Variants in GAB2 observed in about 807,000 individuals in gnomAD.
The protein encoded by GAB2 is GRB2-associated-binding protein 2.
In GAB2, 26 loss-of-function variants were observed where a neutral mutation model predicts 65.5. The observed-to-expected ratio is 0.40, with a 90% CI of 0.29 to 0.55. GAB2 has a LOEUF of 0.55. Ranked by LOEUF, GAB2 falls within the 20% of genes least tolerant of loss-of-function variation. The pLI is 0.53. For synonymous variants in GAB2, 321 were observed against 329.6 expected (o/e 0.97, Z 0.28); for missense variants, 884 against 875.8 (o/e 1.01, Z -0.12).
At chr11:78,256,892 C>A (rs1320094160) in intron 2 of GAB2, among the ~76,000 whole-genome samples, 1 of 152,152 alleles carries the variant, frequency 6.6e-6, no homozygotes, top group Admixed American at 6.5e-5. Flanking sequence ...TTCCTAATGA[C>A]CCAAAACACA....
At chr11:78,272,871 G>C (rs1236267843) in intron 2 of GAB2, among the ~76,000 whole-genome samples, 1 of 152,224 alleles carries the variant, frequency 6.6e-6, no homozygotes, top group African/African-American at 2.4e-5. Flanking sequence ...GCAGCCTGGG[G>C]ACTTGGTGCC....
At chr11:78,245,552 A>C (rs1435148848) in intron 3 of GAB2, among the ~76,000 whole-genome samples, 3 of 152,238 alleles carry the variant, frequency 2.0e-5, no homozygotes, top group Non-Finnish European at 4.4e-5. Flanking sequence ...AAAATTTCTC[A>C]CCAGGCCACT....
intron 3 of GAB2, among the ~76,000 whole-genome samples, chr11:78,244,126 C>T (rs1590960852): frequency 6.6e-6 from 1 of 152,066 alleles, no homozygotes; most frequent in East Asian, 1.9e-4. Flanking sequence ...TCTGTAATCC[C>T]AGCACTTTAG....
chr11:78,255,309 G>A (rs908294811), intron 2 of GAB2, among the ~76,000 whole-genome samples: 2 of 152,118 alleles, frequency 1.3e-5, no homozygotes, highest in African/African-American at 2.4e-5. Context: ...TGGATATCTA[G>A]CCTCTAGAAC....
At chr11:78,283,997 T>C (rs1340747459) in intron 1 of GAB2, among the ~76,000 whole-genome samples, 1 of 152,120 alleles carries the variant, frequency 6.6e-6, no homozygotes, top group Non-Finnish European at 1.5e-5. Context: ...TAGAGTTGTA[T>C]ATCCAACTCC....
intron 1 of GAB2, among the ~76,000 whole-genome samples, chr11:78,290,314 G>A (rs983679796): frequency 5.3e-5 from 8 of 152,150 alleles, no homozygotes; most frequent in Admixed American, 5.2e-4. Context: ...CTAGGATCAA[G>A]GGTATGCCAC....
At chr11:78,288,251 T>C (rs375326115) in intron 1 of GAB2, among the ~76,000 whole-genome samples, 3 of 150,922 alleles carry the variant, frequency 2.0e-5, no homozygotes, top group African/African-American at 4.9e-5. Context: ...TGGTGGTGGG[T>C]ACCTGTAATC....
intron 2 of GAB2, among the ~76,000 whole-genome samples, chr11:78,280,160 C>T (rs965561709): frequency 3.3e-5 from 5 of 152,158 alleles, no homozygotes; most frequent in African/African-American, 9.7e-5. Context: ...ACAAAGAACC[C>T]GCACAAACAA....
At chr11:78,309,971 T>TGTGTGTGTGTGTGTGTGTGC (rs1421836447) in intron 1 of GAB2, among the ~76,000 whole-genome samples, 1 of 120,090 alleles carries the variant, frequency 8.3e-6, no homozygotes, top group African/African-American at 3.6e-5. Flanking sequence ...TGTGTGTGTG[T>TGTGTGTGTGTGTGTGTGTGC]GCGCGCGCGC....
Position 78,346,919 on chromosome 11 carries a change from G to A in GAB2, c.76-66018C>T, listed in dbSNP as rs552048000. ...TTTTAAGAAAAATACTGTTTACCTA[G>A]TATGACCAGAGCATCTAAGAGAATC... On this transcript the variant is annotated intron_variant, in intron 1 of 9. Coordinates refer to ENST00000361507, the MANE Select transcript of GAB2 (RefSeq NM_080491.3). 1.8e-4 allele frequency among the ~76,000 whole-genome samples: 28 copies of A among 151,664 alleles called. 1 individual carries two copies. The highest frequency in any genetic ancestry group is 1.3e-3 in the South Asian group (6 of 4,800).
chr11:78,364,914 CGTCTATATA>C (rs1856478592), intron 1 of GAB2, among the ~76,000 whole-genome samples: 1 of 151,594 alleles, frequency 6.6e-6, no homozygotes, highest in African/African-American at 2.4e-5. Flanking sequence ...TATATATATA[CGTCTATATA>C]GTATTTTGCA....
intron 1 of GAB2, chr11:78,341,699 A>T (rs1475924126): frequency 2.1e-6 from 2 of 936,888 alleles, no homozygotes; most frequent in Admixed American, 1.2e-4. Context: ...ACTCCTAAAG[A>T]ACAAATATTC....
chr11:78,374,912 G>C (rs1343176741), intron 1 of GAB2, among the ~76,000 whole-genome samples: 1 of 152,158 alleles, frequency 6.6e-6, no homozygotes, highest in South Asian at 2.1e-4. Flanking sequence ...TTCAAATCAA[G>C]AACAGCATCA....
chr11:78,291,565 T>C (rs36026426), intron 1 of GAB2, among the ~76,000 whole-genome samples: 4,034 of 92,498 alleles, frequency 0.044, 222 homozygotes, highest in Non-Finnish European at 0.066. Flanking sequence ...CTTTTTCTTT[T>C]TTTTTTTTTT....
At position 78,226,963 on chromosome 11, in the gene GAB2, A is replaced by G. The variant is rs756252981; in HGVS notation, c.709T>C (p.Cys237Arg). The change falls in exon 4 of 10, where the codon TGT becomes CGT. Residue 237 changes from cysteine (C) to arginine (R), a missense_variant. Physicochemically the swap from Cys to Arg is radical, Grantham distance 180. Coordinates refer to ENST00000361507, the MANE Select transcript of GAB2 (RefSeq NM_080491.3). ...VQKLAQGNGH[C>R]VNGISGQVHG... Reference sequence around the variant, plus strand: ...ACTTGACCACTGATCCCGTTGACACAGTGTCCATTGCCCTGGGCAAGTTTT... The same window carrying G: ...ACTTGACCACTGATCCCGTTGACACGGTGTCCATTGCCCTGGGCAAGTTTT... 4 of 1,613,524 alleles carry G rather than the reference A, an allele frequency of 2.5e-6. No individual in the cohort carries two copies. The South Asian group carries it at 4.4e-5, about 18-fold the overall frequency.
intron 5 of GAB2, 58 bp downstream of exon 5, chr11:78,225,050 G>T: frequency 9.8e-7 from 1 of 1,021,884 alleles, no homozygotes; most frequent in Non-Finnish European, 1.5e-6. Flanking sequence ...ATTCCATAAG[G>T]TGTGACCTTT....
chr11:78,300,282 G>A (rs1206408839), intron 1 of GAB2, among the ~76,000 whole-genome samples: 1 of 141,486 alleles, frequency 7.1e-6, no homozygotes, highest in Non-Finnish European at 1.5e-5. Flanking sequence ...ATTGCTGCAT[G>A]TATCAGTAGT....
intron 1 of GAB2, among the ~76,000 whole-genome samples, chr11:78,356,469 A>G (rs1856360881): frequency 6.6e-6 from 1 of 152,224 alleles, no homozygotes; most frequent in African/African-American, 2.4e-5. Flanking sequence ...GCAAAACTAC[A>G]TATTAATTGT....
At chr11:78,328,046 G>A (rs1338162301) in intron 1 of GAB2, among the ~76,000 whole-genome samples, 1 of 152,096 alleles carries the variant, frequency 6.6e-6, no homozygotes, top group African/African-American at 2.4e-5. Flanking sequence ...AGTCGTGGTG[G>A]GCTGATCATT....
Sources: gnomAD v4.1 joint callset for allele counts (sites outside exome capture counted in the v4.1 genomes callset) on GRCh38, gnomAD v4.1.1 for gene constraint, MANE v1.5 for transcripts, NCBI Gene and HGNC (gene_info 2026-07-23, HGNC 2026-07-21) for gene names.